Variants in KLHL29 observed in about 807,000 individuals in gnomAD.
The protein encoded by KLHL29 is kelch-like protein 29.
A neutral mutation model predicts 80.4 loss-of-function variants in KLHL29; 21 were observed. The observed-to-expected ratio is 0.26, with a 90% confidence interval of 0.19 to 0.38. The LOEUF (loss-of-function observed/expected upper bound fraction) is 0.38, where lower values mean the gene tolerates loss of function less well. Among genes scored for constraint, KLHL29 ranks in the 10% least tolerant of loss-of-function variants. The pLI, the probability that KLHL29 is intolerant of heterozygous loss-of-function variation, is 1.00. For missense variants in KLHL29, 867 were observed against 1,223.9 expected (o/e 0.71, Z 4.35); for synonymous variants, 511 against 526.8 (o/e 0.97, Z 0.41).
At chr2:23,464,329 C>T (rs1181075668) in intron 1 of KLHL29, among the ~76,000 whole-genome samples, 3 of 152,152 alleles carry the variant, frequency 2.0e-5, no homozygotes, top group African/African-American at 7.2e-5. Flanking sequence ...TTGGGACAGA[C>T]GTGAAGGGCC....
chr2:23,562,627 C>G lies in KLHL29; in HGVS notation c.285+146C>G. The G allele has an allele frequency of 1.3e-6, 1 of 779,302 alleles. No homozygotes were observed. The highest frequency in any genetic ancestry group is 2.0e-6 in the Non-Finnish European group (1 of 504,924). The allele number at this position is 779,302 out of a possible 1,614,324, so 48.3% of individuals were successfully genotyped here. A position where few individuals can be genotyped will look rare whatever the true frequency, so the allele number is the denominator to read the frequency against. On this transcript the variant is annotated intron_variant, in intron 3 of 13. Coordinates refer to ENST00000486442, the MANE Select transcript of KLHL29 (RefSeq NM_052920.2). The surrounding 1 kb of genome is among the most constrained non-coding windows in gnomAD (Gnocchi z 4.5). ...GAGTCTTGTCCTTCCAGGACCTGGG[C>G]CTGGAAACTGTTTGCGAGCATTCAT...
intron 1 of KLHL29, among the ~76,000 whole-genome samples, chr2:23,391,143 A>G (rs1304615349): frequency 6.6e-6 from 1 of 152,206 alleles, no homozygotes; most frequent in Non-Finnish European, 1.5e-5. Context: ...GAGTGGAATC[A>G]TGCCACATTC....
intron 2 of KLHL29, among the ~76,000 whole-genome samples, chr2:23,516,735 A>G (rs1382812737): frequency 6.6e-6 from 1 of 152,254 alleles, no homozygotes; most frequent in Non-Finnish European, 1.5e-5. Flanking sequence ...CGGTTGGCCA[A>G]TCAGCAGGTC....
At chr2:23,412,038 CA>C (rs1666871902) in intron 1 of KLHL29, among the ~76,000 whole-genome samples, 1 of 150,020 alleles carries the variant, frequency 6.7e-6, no homozygotes. Flanking sequence ...ACAGATGTGT[CA>C]GAGGAAGTGT....
chr2:23,572,515 A>G (rs1306647851), intron 3 of KLHL29, among the ~76,000 whole-genome samples: 1 of 152,176 alleles, frequency 6.6e-6, no homozygotes, highest in Non-Finnish European at 1.5e-5. Context: ...GCTGCCCGTG[A>G]TGCCCAGTCT....
chr2:23,647,048 C>T lies in KLHL29; in HGVS notation c.940+4198C>T, dbSNP rs1669958916. On this transcript the variant is annotated intron_variant, in intron 5 of 13. Coordinates refer to ENST00000486442, the MANE Select transcript of KLHL29 (RefSeq NM_052920.2). This position sits in a 1 kb window ranked among gnomAD's most constrained non-coding sequence, Gnocchi z 4.9. The stretch of plus-strand genomic sequence containing the variant: ...GGGCAGAAGGCCAGGCCCTCCCCAG[C>T]GCAGAGGAGATGGAAGAAGCCCATG... 6.6e-6 allele frequency among the ~76,000 whole-genome samples: 1 copy of T among 152,238 alleles called. No homozygotes were observed. Among genetic ancestry groups the T allele is most frequent in the Admixed American group, 6.5e-5 (1 of 15,290 alleles).
At chr2:23,404,198 A>G (rs146784702) in intron 1 of KLHL29, among the ~76,000 whole-genome samples, 64 of 152,252 alleles carry the variant, frequency 4.2e-4, no homozygotes, top group African/African-American at 1.4e-3. Flanking sequence ...ATTATTTTCA[A>G]TTGCTGCCCG....
intron 7 of KLHL29, among the ~76,000 whole-genome samples, chr2:23,693,012 G>T (rs545511379): frequency 1.3e-5 from 2 of 152,288 alleles, no homozygotes; most frequent in East Asian, 3.9e-4. Context: ...ATGCCTCCCA[G>T]TCTCGGTCCT....
intron 2 of KLHL29, among the ~76,000 whole-genome samples, chr2:23,544,729 G>A (rs1288275808): frequency 6.6e-6 from 1 of 152,178 alleles, no homozygotes; most frequent in Non-Finnish European, 1.5e-5. Flanking sequence ...CTGGCCGTGT[G>A]GATAGTGGGG....
At chr2:23,702,285 C>T (rs945343860) in intron 11 of KLHL29, among the ~76,000 whole-genome samples, 8 of 152,164 alleles carry the variant, frequency 5.3e-5, no homozygotes, top group African/African-American at 1.9e-4. Context: ...CATAGTTCAG[C>T]CAGCTTACCT....
chr2:23,407,188 G>GCC (rs1301041124), intron 1 of KLHL29, among the ~76,000 whole-genome samples: 9 of 152,192 alleles, frequency 5.9e-5, no homozygotes, highest in Non-Finnish European at 1.3e-4. Flanking sequence ...ACGTTGCAAT[G>GCC]AAATACTGAT....
chr2:23,450,801 T>C (rs1381913398), intron 1 of KLHL29, among the ~76,000 whole-genome samples: 1 of 152,242 alleles, frequency 6.6e-6, no homozygotes, highest in African/African-American at 2.4e-5. Context: ...CAGTGGTTTT[T>C]AATATAGTCA....
chr2:23,629,337 G>T (rs576616336), intron 3 of KLHL29, among the ~76,000 whole-genome samples: 2 of 152,128 alleles, frequency 1.3e-5, no homozygotes, highest in South Asian at 4.2e-4. Context: ...GCAGGAAAGG[G>T]CTCTTTCTTT....
chr2:23,418,145 C>T (rs7576473), intron 1 of KLHL29, among the ~76,000 whole-genome samples: 38,004 of 152,142 alleles, frequency 0.25, 5,454 homozygotes, highest in South Asian at 0.4. Flanking sequence ...TGGGGTCCTG[C>T]CCTCTCACTG....
chr2:23,622,905 C>A (rs1483620328), intron 3 of KLHL29, among the ~76,000 whole-genome samples: 2 of 152,186 alleles, frequency 1.3e-5, no homozygotes, highest in African/African-American at 4.8e-5. Flanking sequence ...GGTCTGTGAG[C>A]TTGCTTGGCT....
Position 23,695,567 on chromosome 2 carries a change from C to A in KLHL29, c.1543-56C>A. The A allele has an allele frequency of 8.0e-7, 1 of 1,244,712 alleles. No individual in the cohort carries two copies. The highest frequency in any genetic ancestry group is 1.1e-6 in the Non-Finnish European group (1 of 899,140). The allele number at this position is 1,244,712 out of a possible 1,614,324, so 77.1% of individuals were successfully genotyped here. On this transcript the variant is annotated intron_variant, in intron 8 of 13. Transcript: ENST00000486442. This position sits in a 1 kb window ranked among gnomAD's most constrained non-coding sequence, Gnocchi z 7.6. Reference sequence around the variant, plus strand: ...CAGCCCCACACCATTTCTTTCCGTCCGGGAGGTGGCTCTCTCTTGCTAGTC... The same window carrying A: ...CAGCCCCACACCATTTCTTTCCGTCAGGGAGGTGGCTCTCTCTTGCTAGTC...
intron 1 of KLHL29, among the ~76,000 whole-genome samples, chr2:23,453,120 AAGT>A (rs1663937853): frequency 6.6e-6 from 1 of 151,820 alleles, no homozygotes; most frequent in Admixed American, 6.6e-5. Flanking sequence ...AAAAAAAAAA[AAGT>A]AAAAGTAAAT....
At chr2:23,519,858 G>A (rs1294946212) in intron 2 of KLHL29, among the ~76,000 whole-genome samples, 2 of 151,756 alleles carry the variant, frequency 1.3e-5, no homozygotes, top group Non-Finnish European at 2.9e-5. Context: ...CACAAAGATT[G>A]CATTGTTTTG....
intron 2 of KLHL29, chr2:23,532,704 G>A (rs1017848606): frequency 1.8e-5 from 8 of 454,564 alleles, no homozygotes; most frequent in Non-Finnish European, 3.5e-5. Flanking sequence ...CATGGGGGTG[G>A]GTGTCAGGTG....
Sources: allele counts gnomAD v4.1 joint callset (sites outside exome capture counted in the v4.1 genomes callset), GRCh38; gene constraint gnomAD v4.1.1; non-coding constraint Gnocchi (gnomAD v3.1); transcripts MANE v1.5; gene names NCBI Gene and HGNC (gene_info 2026-07-23, HGNC 2026-07-21).